The following TLK1 variants were observed in gnomAD, a reference collection of about 807,000 sequenced individuals.
The protein encoded by TLK1 is tousled like kinase 1.
A neutral mutation model predicts 105.3 loss-of-function variants in TLK1; 24 were observed. That is an observed-to-expected ratio of 0.23 (90% CI 0.17 to 0.32). TLK1 has a LOEUF of 0.32. Ranked by LOEUF, TLK1 falls within the 10% of genes least tolerant of loss-of-function variation. TLK1 has a pLI of 1.00. For synonymous variants in TLK1, 321 were observed against 310.4 expected, an observed-to-expected ratio of 1.03 and a Z score of -0.36; for missense variants, 558 against 910.5, an observed-to-expected ratio of 0.61 and a Z score of 4.98.
At chr2:171,192,693 T>TA (rs143214516) in intron 1 of TLK1, among the ~76,000 whole-genome samples, 16,423 of 151,246 alleles carry the variant, frequency 0.11, 1,323 homozygotes, top group African/African-American at 0.23. Context: ...AAATAAAAAA[T>TA]AAAAAAAATA....
intron 1 of TLK1, among the ~76,000 whole-genome samples, chr2:171,169,541 T>C (rs1692686028): frequency 6.6e-6 from 1 of 152,188 alleles, no homozygotes; most frequent in African/African-American, 2.4e-5. Context: ...TTCCACATAA[T>C]TGGAATTACA....
At chr2:171,168,512 T>C (rs1473729530) in intron 1 of TLK1, among the ~76,000 whole-genome samples, 1 of 152,248 alleles carries the variant, frequency 6.6e-6, no homozygotes, top group East Asian at 1.9e-4. Context: ...GGCTCATGCC[T>C]GTAATCCCAG....
At chr2:171,103,264 T>TTATTTATATATATATATATATA (rs1553477347) in intron 2 of TLK1, among the ~76,000 whole-genome samples, 3 of 136,518 alleles carry the variant, frequency 2.2e-5, no homozygotes, top group African/African-American at 9.2e-5. Flanking sequence ...GATCTCAAAT[T>TTATTTATATATATATATATATA]TATATATATA....
intron 2 of TLK1, among the ~76,000 whole-genome samples, chr2:171,098,262 CA>C (rs1330389199): frequency 3.3e-5 from 5 of 151,178 alleles, no homozygotes; most frequent in Non-Finnish European, 7.4e-5. Flanking sequence ...GTTTTCCGCA[CA>C]AAAAAAACTA....
intron 1 of TLK1, among the ~76,000 whole-genome samples, chr2:171,194,985 G>A (rs961282145): frequency 1.3e-5 from 2 of 152,240 alleles, no homozygotes; most frequent in African/African-American, 4.8e-5. Context: ...TTCTAACACA[G>A]CCCTTTCCTC....
intron 12 of TLK1, among the ~76,000 whole-genome samples, chr2:171,021,379 G>A (rs112119465): frequency 1.1e-4 from 17 of 151,000 alleles, no homozygotes; most frequent in Non-Finnish European, 1.6e-4. Flanking sequence ...CAATGCCTTC[G>A]TGTAGTGTAC....
intron 4 of TLK1, among the ~76,000 whole-genome samples, chr2:171,060,655 T>A (rs902696398): frequency 6.6e-6 from 1 of 152,202 alleles, no homozygotes; most frequent in African/African-American, 2.4e-5. Flanking sequence ...TCACAAAAAG[T>A]AGGTATGCAA....
At chr2:171,108,357 A>AC in intron 2 of TLK1, among the ~76,000 whole-genome samples, 1 of 152,264 alleles carries the variant, frequency 6.6e-6, no homozygotes, top group East Asian at 1.9e-4. Flanking sequence ...TATACTATAC[A>AC]CTACACTGAG....
chr2:171,224,993 G>T (rs1415478475), intron 1 of TLK1, among the ~76,000 whole-genome samples: 1 of 152,042 alleles, frequency 6.6e-6, no homozygotes, highest in East Asian at 1.9e-4. Flanking sequence ...TGGAACAACT[G>T]GATATTCATA....
chr2:171,024,729 A>G (rs1440450520), intron 12 of TLK1, among the ~76,000 whole-genome samples: 6 of 152,244 alleles, frequency 3.9e-5, no homozygotes, highest in African/African-American at 1.4e-4. Flanking sequence ...GGAAGTATAT[A>G]TAGATCTGGG....
intron 3 of TLK1, among the ~76,000 whole-genome samples, chr2:171,064,840 T>A (rs78486119): frequency 0.013 from 1,956 of 152,284 alleles, 43 homozygotes; most frequent in East Asian, 0.074. Context: ...TTCCAAGATA[T>A]TAGTGTGAAT....
chr2:171,095,392 AGAAG>A (rs1689411372), intron 2 of TLK1, among the ~76,000 whole-genome samples: 1 of 152,188 alleles, frequency 6.6e-6, no homozygotes, highest in South Asian at 2.1e-4. Flanking sequence ...CAAGACCAAA[AGAAG>A]GAAGACTCAA....
chr2:171,046,406 C>T, intron 10 of TLK1, 44 bp from the exon 11 acceptor site: 3 of 1,496,228 alleles, frequency 2.0e-6, no homozygotes, highest in Non-Finnish European at 2.7e-6. Flanking sequence ...CCTTCCATTA[C>T]TTTTCAAGGC....
chr2:171,187,408 T>C (rs1403118512), intron 1 of TLK1, among the ~76,000 whole-genome samples: 1 of 152,238 alleles, frequency 6.6e-6, no homozygotes, highest in Non-Finnish European at 1.5e-5. Flanking sequence ...TTCTAAACTA[T>C]CTGCCTTCCA....
intron 12 of TLK1, among the ~76,000 whole-genome samples, chr2:171,022,081 C>T (rs537467768): frequency 0.018 from 650 of 35,446 alleles, 7 homozygotes; most frequent in African/African-American, 0.042. Context: ...CCAGCCTGGG[C>T]GAAAAACACA....
intron 3 of TLK1, among the ~76,000 whole-genome samples, chr2:171,065,322 TATC>T (rs1479465211): frequency 6.6e-6 from 1 of 152,186 alleles, no homozygotes; most frequent in African/African-American, 2.4e-5. Context: ...AAAAATCAGG[TATC>T]ATCATCTCTA....
At chr2:171,088,042 C>T (rs1689059969) in intron 2 of TLK1, among the ~76,000 whole-genome samples, 1 of 152,142 alleles carries the variant, frequency 6.6e-6, no homozygotes, top group Admixed American at 6.6e-5. Flanking sequence ...CTGCAAAACC[C>T]ATCCATGGCT....
At chr2:171,213,900 T>A (rs539137216) in intron 1 of TLK1, among the ~76,000 whole-genome samples, 76 of 146,760 alleles carry the variant, frequency 5.2e-4, no homozygotes, top group South Asian at 1.1e-3. Context: ...TTAAAAAAAA[T>A]TTTTTTTTTA....
intron 1 of TLK1, among the ~76,000 whole-genome samples, chr2:171,227,063 C>T (rs1300452801): frequency 6.6e-6 from 1 of 151,460 alleles, no homozygotes; most frequent in East Asian, 2.0e-4. Flanking sequence ...AGCTGCAGTT[C>T]CTTCTGCAGG....
Sources: gnomAD v4.1 joint callset for allele counts (sites outside exome capture counted in the v4.1 genomes callset) on GRCh38, gnomAD v4.1.1 for gene constraint, MANE v1.5 for transcripts, NCBI Gene and HGNC (gene_info 2026-07-23, HGNC 2026-07-21) for gene names.